The following PATJ variants were observed in gnomAD, a reference collection of about 807,000 sequenced individuals.
The protein encoded by PATJ is PATJ crumbs cell polarity complex component.
A neutral mutation model predicts 224.9 loss-of-function variants in PATJ; 190 were observed. That is an observed-to-expected ratio of 0.84 (90% CI 0.75 to 0.95). PATJ has a LOEUF of 0.95. Among genes scored for constraint, PATJ ranks in the 40% least tolerant of loss-of-function variants. The pLI is 0.00. For missense variants in PATJ, 2,121 were observed against 2,270.3 expected (o/e 0.93, Z 1.34); for synonymous variants, 769 against 820.3 (o/e 0.94, Z 1.07).
intron 27 of PATJ, among the ~76,000 whole-genome samples, chr1:61,965,799 G>T (rs995454685): frequency 6.6e-6 from 1 of 152,218 alleles, no homozygotes; most frequent in East Asian, 1.9e-4. Flanking sequence ...CAGTAGGAGA[G>T]ATTTGTACTA....
At chr1:61,816,944 C>T (rs1260161429) in intron 14 of PATJ, among the ~76,000 whole-genome samples, 2 of 152,112 alleles carry the variant, frequency 1.3e-5, no homozygotes, top group African/African-American at 4.8e-5. Context: ...GGTAAGGTTC[C>T]TAAAGGGAAT....
In PATJ at chr1:62,123,080, A is replaced by C. The variant is rs761933961; in HGVS notation, c.5043+22A>C. ...CAGGGTAAGTCAGTCATTTTGCTGTATGTATTTTTCTGGTTTGTGTTGGAT... is the reference window on the plus strand; with the variant it reads ...CAGGGTAAGTCAGTCATTTTGCTGTCTGTATTTTTCTGGTTTGTGTTGGAT... On this transcript the variant is annotated intron_variant, in intron 39 of 43. Coordinates refer to ENST00000642238, the MANE Select transcript of PATJ (RefSeq NM_001350145.3). The C allele has an allele frequency of 2.5e-6, 4 of 1,574,428 alleles. 1 individual carries two copies. The South Asian group carries it at 4.6e-5, about 18-fold the overall frequency.
At chr1:61,757,847 T>A (rs1360382001) in intron 1 of PATJ, among the ~76,000 whole-genome samples, 1 of 152,190 alleles carries the variant, frequency 6.6e-6, no homozygotes, top group Admixed American at 6.5e-5. Context: ...TATGTATGTC[T>A]AGCTATGTTG....
intron 28 of PATJ, among the ~76,000 whole-genome samples, chr1:62,012,574 C>G (rs951967413): frequency 1.1e-4 from 17 of 152,188 alleles, no homozygotes; most frequent in Middle Eastern, 6.8e-3. Context: ...AGATGATAAT[C>G]TAAAGCTAAT....
chr1:62,133,965 C>G (rs1429287293), intron 41 of PATJ, among the ~76,000 whole-genome samples: 1 of 151,902 alleles, frequency 6.6e-6, no homozygotes, highest in Non-Finnish European at 1.5e-5. Flanking sequence ...AGGCTGGTCT[C>G]AAACTCCTGA....
chr1:61,785,438 A>G (rs1648302497), intron 7 of PATJ, among the ~76,000 whole-genome samples: 1 of 152,242 alleles, frequency 6.6e-6, no homozygotes, highest in South Asian at 2.1e-4. Flanking sequence ...TTCGGTGAGC[A>G]ACTTGGATTC....
chr1:61,961,936 TC>T (rs1681350746), intron 27 of PATJ, among the ~76,000 whole-genome samples: 3 of 138,600 alleles, frequency 2.2e-5, no homozygotes. Flanking sequence ...GCCATCGCAC[TC>T]CAGCCTGGGC....
intron 41 of PATJ, among the ~76,000 whole-genome samples, chr1:62,132,055 C>T (rs533117045): frequency 7.2e-5 from 11 of 152,092 alleles, no homozygotes; most frequent in Admixed American, 3.3e-4. Context: ...ACCATGTTGG[C>T]CAGGCTGGTC....
chr1:62,032,992 G>A (rs920864880), intron 29 of PATJ, among the ~76,000 whole-genome samples: 2 of 152,068 alleles, frequency 1.3e-5, no homozygotes, highest in African/African-American at 4.8e-5. Flanking sequence ...AGAACAGCAT[G>A]GGGGAAACTG....
chr1:62,047,222 G>C (rs1199317331), intron 30 of PATJ, among the ~76,000 whole-genome samples: 1 of 152,182 alleles, frequency 6.6e-6, no homozygotes, highest in South Asian at 2.1e-4. Flanking sequence ...CTGTGGGTTC[G>C]TTCTACAGTC....
chr1:61,843,628 C>T (rs761244864), intron 17 of PATJ, among the ~76,000 whole-genome samples: 4 of 150,354 alleles, frequency 2.7e-5, no homozygotes, highest in African/African-American at 7.4e-5. Flanking sequence ...CCCAGCTACT[C>T]GGGAGGCTTG....
chr1:61,745,824 G>A lies in PATJ; in HGVS notation c.-36+3269G>A, dbSNP rs897049599. Reference sequence around the variant, plus strand: ...TCACCATGCTGGCCAGGCTGGTCTCGAACTCCTGACCTCAGGCGATCCACC... The same window carrying A: ...TCACCATGCTGGCCAGGCTGGTCTCAAACTCCTGACCTCAGGCGATCCACC... On this transcript the variant is annotated intron_variant, in intron 1 of 43. Transcript: ENST00000642238. Among the ~76,000 whole-genome samples, 10 of 151,396 alleles carry A rather than the reference G, an allele frequency of 6.6e-5. No individual in the cohort carries two copies. The East Asian group carries it at 1.7e-3, about 26-fold the overall frequency.
At chr1:62,087,492 T>C (rs901398167) in intron 33 of PATJ, among the ~76,000 whole-genome samples, 5 of 151,996 alleles carry the variant, frequency 3.3e-5, no homozygotes, top group African/African-American at 1.2e-4. Context: ...ATAGAAGTTA[T>C]CACTTTGGAC....
intron 29 of PATJ, among the ~76,000 whole-genome samples, chr1:62,025,547 G>A (rs966133089): frequency 6.6e-6 from 1 of 152,222 alleles, no homozygotes; most frequent in Non-Finnish European, 1.5e-5. Context: ...ATGGCTGGGC[G>A]CAGTGGCTCA....
intron 8 of PATJ, among the ~76,000 whole-genome samples, chr1:61,788,563 C>A (rs1036311060): frequency 9.2e-5 from 14 of 152,168 alleles, no homozygotes; most frequent in Admixed American, 9.2e-4. Flanking sequence ...GAATTCACAT[C>A]TTTCTGGTCC....
chr1:62,101,852 T>A (rs1268126189), intron 33 of PATJ, among the ~76,000 whole-genome samples: 1 of 152,196 alleles, frequency 6.6e-6, no homozygotes, highest in Non-Finnish European at 1.5e-5. Context: ...TGTTCTTCAC[T>A]GGCTCTTGAG....
chr1:62,027,710 G>T (rs1648293852), intron 29 of PATJ, among the ~76,000 whole-genome samples: 1 of 137,406 alleles, frequency 7.3e-6, no homozygotes, highest in South Asian at 2.3e-4. Flanking sequence ...TGATGTGCAT[G>T]ATTTGCACTT....
intron 13 of PATJ, among the ~76,000 whole-genome samples, chr1:61,805,798 A>G (rs1653426067): frequency 6.6e-6 from 1 of 152,180 alleles, no homozygotes; most frequent in Non-Finnish European, 1.5e-5. Flanking sequence ...TAGACAGAAA[A>G]CTGTTGGGAG....
rs35918825 is a variant in PATJ, at chr1:61,748,246, C to CTTTT, written c.-36+5715_-36+5718dup. ...TGCTATGTGTATACTGCCTTAATGC[C>CTTTT]TTTTTTTTTTTTTTTTTTTTTTTTT... On this transcript the variant is annotated intron_variant, in intron 1 of 43. Coordinates refer to ENST00000642238, the MANE Select transcript of PATJ (RefSeq NM_001350145.3). Among the ~76,000 whole-genome samples the CTTTT allele has an allele frequency of 5.7e-4, 37 of 65,138 alleles. 5 individuals carry two copies. The highest frequency in any genetic ancestry group is 1.2e-3 in the African/African-American group (19 of 15,380). 42.7% of individuals were successfully genotyped at this position (65,138 alleles called of 152,430 possible).
Sources: gnomAD v4.1 joint callset for allele counts (sites outside exome capture counted in the v4.1 genomes callset) on GRCh38, gnomAD v4.1.1 for gene constraint, MANE v1.5 for transcripts, NCBI Gene and HGNC (gene_info 2026-07-23, HGNC 2026-07-21) for gene names.